Variants in MARCHF1 observed in about 807,000 individuals in gnomAD.
MARCHF1 encodes the protein E3 ubiquitin-protein ligase MARCHF1.
Under a neutral mutation model 54.2 loss-of-function variants are expected in MARCHF1, and 40 were observed. The observed-to-expected ratio is 0.74, with a 90% CI of 0.57 to 0.96. The LOEUF is 0.96. Ranked by LOEUF, MARCHF1 falls within the 40% of genes least tolerant of loss-of-function variation. The pLI, the probability that MARCHF1 is intolerant of heterozygous loss-of-function variation, is 0.00. For synonymous variants in MARCHF1, 236 were observed against 236.3 expected (o/e 1.00, Z 0.01); for missense variants, 586 against 656.5 (o/e 0.89, Z 1.17).
chr4:163,712,811 T>C (rs191638055), intron 4 of MARCHF1, among the ~76,000 whole-genome samples: 4 of 152,318 alleles, frequency 2.6e-5, no homozygotes, highest in African/African-American at 7.2e-5. Flanking sequence ...CAGTGTCACT[T>C]ATGGTCAGGT....
intron 3 of MARCHF1, among the ~76,000 whole-genome samples, chr4:163,939,572 G>A (rs541337161): frequency 2.1e-4 from 32 of 152,248 alleles, no homozygotes; most frequent in African/African-American, 7.2e-4. Flanking sequence ...CTTGCCATCA[G>A]TTTACCAACT....
intron 1 of MARCHF1, among the ~76,000 whole-genome samples, chr4:164,307,492 C>T (rs1180165360): frequency 6.6e-6 from 1 of 152,218 alleles, no homozygotes; most frequent in East Asian, 1.9e-4. Context: ...CAAAGCTCGT[C>T]TCTTCCCAAC....
intron 4 of MARCHF1, among the ~76,000 whole-genome samples, chr4:163,748,917 C>T (rs1192866978): frequency 6.6e-6 from 1 of 152,210 alleles, no homozygotes; most frequent in Non-Finnish European, 1.5e-5. Context: ...GAGGGCTCTT[C>T]ATCTCTTTGT....
At position 163,612,720 on chromosome 4, in the gene MARCHF1, CCTT is replaced by C. The variant is rs1456436895; in HGVS notation, c.558_560del (p.Arg189del). 2.7e-5 allele frequency: 41 copies of C among 1,535,542 alleles called. 1 individual carries two copies. In the South Asian group the frequency reaches 4.6e-4, roughly 17 times the overall value. ...CACACGGCTTATTATTATTTCTCCT[CCTT>C]CTTCTTGACAGTCTGAATTTAACCT... is the stretch of plus-strand genomic sequence containing the variant. On this transcript the variant is annotated inframe_deletion, in exon 7 of 10. Transcript: ENST00000514618.
intron 2 of MARCHF1, among the ~76,000 whole-genome samples, chr4:164,022,654 C>T (rs1753689385): frequency 6.6e-6 from 1 of 152,192 alleles, no homozygotes; most frequent in Non-Finnish European, 1.5e-5. Flanking sequence ...AGTGAGAAGC[C>T]CAGAAGCTTT....
intron 8 of MARCHF1, among the ~76,000 whole-genome samples, chr4:163,559,886 G>A (rs1261985690): frequency 1.3e-5 from 2 of 152,084 alleles, no homozygotes; most frequent in Non-Finnish European, 2.9e-5. Context: ...AAATCTAGTG[G>A]CATGTCTTAA....
intron 1 of MARCHF1, among the ~76,000 whole-genome samples, chr4:164,147,086 C>T (rs541398778): frequency 5.9e-5 from 9 of 152,260 alleles, no homozygotes; most frequent in South Asian, 2.1e-4. Context: ...CTCACCATCA[C>T]TGGCCATCAG....
intron 2 of MARCHF1, among the ~76,000 whole-genome samples, chr4:164,018,039 T>C (rs993939523): frequency 1.3e-5 from 2 of 152,092 alleles, no homozygotes; most frequent in African/African-American, 4.8e-5. Context: ...TGTGCCAGGA[T>C]AATTCATCAA....
intron 4 of MARCHF1, among the ~76,000 whole-genome samples, chr4:163,798,348 A>C (rs1195718670): frequency 6.6e-6 from 1 of 152,148 alleles, no homozygotes; most frequent in Non-Finnish European, 1.5e-5. Context: ...TAGATTTTGT[A>C]GTCTTTAGAA....
At chr4:163,895,898 AC>A (rs1169384931) in intron 3 of MARCHF1, among the ~76,000 whole-genome samples, 1 of 151,686 alleles carries the variant, frequency 6.6e-6, no homozygotes, top group African/African-American at 2.4e-5. Flanking sequence ...AGTAAGCATG[AC>A]CCCCCCACTG....
chr4:163,633,176 A>G (rs1398013161), intron 5 of MARCHF1, among the ~76,000 whole-genome samples: 2 of 152,218 alleles, frequency 1.3e-5, no homozygotes, highest in Non-Finnish European at 2.9e-5. Flanking sequence ...GGAAACTCTA[A>G]AAATCAGAGC....
intron 4 of MARCHF1, among the ~76,000 whole-genome samples, chr4:163,755,118 T>G (rs1203242217): frequency 6.6e-6 from 1 of 152,208 alleles, no homozygotes; most frequent in Non-Finnish European, 1.5e-5. Context: ...GAGATACTGC[T>G]AAGTATCTAC....
intron 7 of MARCHF1, among the ~76,000 whole-genome samples, chr4:163,611,014 T>A (rs1741322090): frequency 6.6e-6 from 1 of 152,074 alleles, no homozygotes; most frequent in South Asian, 2.1e-4. Context: ...TTAGAGAGTT[T>A]TTGTCTCATC....
intron 1 of MARCHF1, among the ~76,000 whole-genome samples, chr4:164,375,105 T>C (rs1331770175): frequency 1.3e-5 from 2 of 152,164 alleles, no homozygotes; most frequent in African/African-American, 4.8e-5. Context: ...TCCAAACTCA[T>C]GTGAGTATAG....
chr4:164,343,393 A>G (rs1405902815), intron 1 of MARCHF1, among the ~76,000 whole-genome samples: 1 of 152,194 alleles, frequency 6.6e-6, no homozygotes, highest in Non-Finnish European at 1.5e-5. Flanking sequence ...TGCAGGGTAA[A>G]AGAAACTGTC....
At chr4:163,580,807 T>TAAAGAGAGAA (rs1169482277) in intron 8 of MARCHF1, among the ~76,000 whole-genome samples, 22 of 110,696 alleles carry the variant, frequency 2.0e-4, no homozygotes, top group South Asian at 3.1e-4. Context: ...AGTTTTTTTT[T>TAAAGAGAGAA]TTTTTTGAGA....
At chr4:163,575,526 G>C (rs1011877090) in intron 8 of MARCHF1, among the ~76,000 whole-genome samples, 1 of 151,920 alleles carries the variant, frequency 6.6e-6, no homozygotes, top group Non-Finnish European at 1.5e-5. Flanking sequence ...TTTTTGTTGT[G>C]TCTTGGCCAG....
At chr4:164,307,574 C>A (rs1414550926) in intron 1 of MARCHF1, among the ~76,000 whole-genome samples, 1 of 152,206 alleles carries the variant, frequency 6.6e-6, no homozygotes, top group Admixed American at 6.5e-5. Context: ...AAGAGAAATC[C>A]TGAATTCAAT....
In MARCHF1 at chr4:164,027,544, C is replaced by T. The variant is rs188872405; in HGVS notation, c.-247-38835G>A. The stretch of plus-strand genomic sequence containing the variant: ...AATGGTGCTGGGATAACTGGCTAGC[C>T]ATATGCAGAAGAATGAAACTGTACC... On this transcript the variant is annotated intron_variant, in intron 2 of 9. Transcript: ENST00000514618. Among the ~76,000 whole-genome samples, 11 of 151,854 alleles carry T rather than the reference C, an allele frequency of 7.2e-5. No individual in the cohort carries two copies. In the East Asian group the frequency reaches 2.1e-3, roughly 29 times the overall value.
Sources: allele counts gnomAD v4.1 joint callset (sites outside exome capture counted in the v4.1 genomes callset), GRCh38; gene constraint gnomAD v4.1.1; transcripts MANE v1.5; gene names NCBI Gene and HGNC (gene_info 2026-07-23, HGNC 2026-07-21).